The following GPRC6A variants were observed in gnomAD, a reference collection of about 807,000 sequenced individuals.
GPRC6A encodes the protein G protein-coupled receptor family C group 6 member A.
Under a neutral mutation model 47.0 loss-of-function variants are expected in GPRC6A, and 54 were observed. The ratio of observed to expected loss-of-function variants is 1.15; its 90% CI spans 0.92 to 1.44. The LOEUF (loss-of-function observed/expected upper bound fraction) is 1.44. Ranked by LOEUF, GPRC6A falls within the 40% of genes most tolerant of loss-of-function variation. The pLI is 0.00. For missense variants in GPRC6A, 1,112 were observed against 1,105.5 expected (o/e 1.01, Z -0.08); for synonymous variants, 347 against 377.1 (o/e 0.92, Z 0.93).
chr6:116,820,614 A>T (rs1773433415), intron 1 of GPRC6A, among the ~76,000 whole-genome samples: 1 of 149,934 alleles, frequency 6.7e-6, no homozygotes, highest in South Asian at 2.1e-4. Context: ...AAACCACATG[A>T]TTATCTCAAT....
intron 1 of GPRC6A, among the ~76,000 whole-genome samples, chr6:116,814,451 T>C (rs1386782279): frequency 6.6e-6 from 1 of 152,120 alleles, no homozygotes; most frequent in Non-Finnish European, 1.5e-5. Flanking sequence ...ATGTCCTTTG[T>C]AGGGACATGG....
chr6:116,809,309 C>T lies in GPRC6A; in HGVS notation c.498+5G>A, dbSNP rs374353273. On this transcript the variant is annotated splice_donor_5th_base_variant and intron_variant, in intron 2 of 5. Transcript: ENST00000310357. ...AGCAATGTTTGGAGGTAGCACAAAA[C>T]CTACCTGTGGCATGAGCTGTAAATT... The T allele has an allele frequency of 6.8e-6, 11 of 1,607,822 alleles. No individual in the cohort carries two copies. The highest frequency in any genetic ancestry group is 6.8e-6 in the Non-Finnish European group (8 of 1,175,382).
chr6:116,814,794 TA>T (rs1212965670), intron 1 of GPRC6A, among the ~76,000 whole-genome samples: 3 of 151,374 alleles, frequency 2.0e-5, no homozygotes, highest in African/African-American at 7.3e-5. Flanking sequence ...GCTGTATAAA[TA>T]AAAAAAGCAT....
intron 1 of GPRC6A, among the ~76,000 whole-genome samples, chr6:116,818,558 A>T (rs1562487056): frequency 7.5e-6 from 1 of 132,844 alleles, no homozygotes; most frequent in Non-Finnish European, 1.6e-5. Flanking sequence ...AAAAAAAAAA[A>T]AAAAAAAAAA....
intron 3 of GPRC6A, among the ~76,000 whole-genome samples, chr6:116,805,821 G>C (rs1472490483): frequency 6.6e-6 from 1 of 151,924 alleles, no homozygotes; most frequent in Non-Finnish European, 1.5e-5. Context: ...TACACATAAA[G>C]ACCATTAGAG....
chr6:116,802,757 C>G (rs1772716171), intron 3 of GPRC6A, among the ~76,000 whole-genome samples: 1 of 152,042 alleles, frequency 6.6e-6, no homozygotes, highest in Non-Finnish European at 1.5e-5. Flanking sequence ...TGTTAAGGTT[C>G]CCTCCATCTC....
At chr6:116,813,084 A>AACC (rs1773081356) in intron 1 of GPRC6A, among the ~76,000 whole-genome samples, 1 of 152,184 alleles carries the variant, frequency 6.6e-6, no homozygotes, top group African/African-American at 2.4e-5. Flanking sequence ...GAGAACTACA[A>AACC]ACCACTGCTC....
In GPRC6A at chr6:116,809,335, C is replaced by T; in HGVS notation, c.477G>A (p.Leu159=). The T allele has an allele frequency of 6.2e-7, 1 of 1,612,926 alleles. No individual in the cohort carries two copies. Among genetic ancestry groups the T allele is most frequent in the Non-Finnish European group, 8.5e-7 (1 of 1,179,214 alleles). ...CTACCTGTGGCATGAGCTGTAAATT[C>T]AACATCCTGGAGACAGCCATAGTTA... The part of the protein sequence containing the change: ...SEITMAVSRM[L]NLQLMPQVGY... The change falls in exon 2 of 6, where the codon TTG becomes TTA. Residue 159 remains leucine, a synonymous_variant. Coordinates refer to ENST00000310357, the MANE Select transcript of GPRC6A (RefSeq NM_148963.4).
At chr6:116,827,133 G>A (rs1773704049) in intron 1 of GPRC6A, among the ~76,000 whole-genome samples, 1 of 151,840 alleles carries the variant, frequency 6.6e-6, no homozygotes, top group Admixed American at 6.6e-5. Context: ...AAGTTCAATC[G>A]TTTGACAGCA....
intron 1 of GPRC6A, among the ~76,000 whole-genome samples, chr6:116,810,866 G>A (rs1230024027): frequency 6.6e-6 from 1 of 152,078 alleles, no homozygotes; most frequent in Non-Finnish European, 1.5e-5. Flanking sequence ...AGGACTTAGA[G>A]GGTCATCCTG....
intron 1 of GPRC6A, among the ~76,000 whole-genome samples, chr6:116,821,047 C>A (rs1277607349): frequency 1.3e-5 from 2 of 149,460 alleles, no homozygotes; most frequent in Non-Finnish European, 3.0e-5. Context: ...AAATCACAAG[C>A]ATTCTTATAC....
At chr6:116,813,464 A>G (rs910944869) in intron 1 of GPRC6A, among the ~76,000 whole-genome samples, 7 of 152,154 alleles carry the variant, frequency 4.6e-5, no homozygotes, top group African/African-American at 9.7e-5. Context: ...CACATCTACA[A>G]TCATCTGATC....
chr6:116,805,267 G>T (rs1349968628), intron 3 of GPRC6A, among the ~76,000 whole-genome samples: 1 of 151,630 alleles, frequency 6.6e-6, no homozygotes, highest in East Asian at 1.9e-4. Flanking sequence ...GTTTAAAAGT[G>T]AGCAATTTAA....
Position 116,800,759 on chromosome 6 carries a change from C to G in GPRC6A, c.1373G>C (p.Gly458Ala), listed in dbSNP as rs1772648045. The G allele has an allele frequency of 6.2e-7, 1 of 1,610,276 alleles. No individual in the cohort carries two copies. Among genetic ancestry groups the G allele is most frequent in the Admixed American group, 1.7e-5 (1 of 59,920 alleles). Residue 458 changes from glycine to alanine, a missense_variant, in exon 4 of 6, where the codon GGA becomes GCA. Transcript: ENST00000310357. ...AGCATCAAAATGAAATGAATTCCATCCATCAGTGAATGTCACATTTTTTAG... is the reference window on the plus strand; with the variant it reads ...AGCATCAAAATGAAATGAATTCCATGCATCAGTGAATGTCACATTTTTTAG... ...GVLKNVTFTD[G>A]WNSFHFDAHG...
chr6:116,823,233 T>C (rs887559310), intron 1 of GPRC6A, among the ~76,000 whole-genome samples: 1 of 152,146 alleles, frequency 6.6e-6, no homozygotes, highest in African/African-American at 2.4e-5. Flanking sequence ...GCTAGGCTAT[T>C]AAAAGCAGCC....
rs747938787 is a variant in GPRC6A, at chr6:116,792,272, C to T, written c.2651G>A (p.Ser884Asn). ...MSGNVTMTNP[S>N]SSGKSATWQK... ...CCAGGTTGCAGACTTGCCACTAGAG[C>T]TGGGATTGGTCATTGTGACATTGCC... is the stretch of plus-strand genomic sequence containing the variant. Residue 884 changes from serine (S) to asparagine (N), a missense_variant, in exon 6 of 6, where the codon AGC (serine) becomes AAC (asparagine). Ser to Asn is a conservative substitution (Grantham distance 46, BLOSUM62 1). Transcript: ENST00000310357. 1 of 1,613,992 alleles carries T rather than the reference C, an allele frequency of 6.2e-7. No homozygotes were observed.
Position 116,828,854 on chromosome 6 carries a change from A to T in GPRC6A, c.160T>A (p.Ser54Thr), listed in dbSNP as rs752286538. Residue 54 changes from serine to threonine, a missense_variant, in exon 1 of 6, where the codon TCT (serine) becomes ACT (threonine). Transcript: ENST00000310357. ...IHEKMLSSEDSPRRPQIQECV... is the reference protein window; with the variant it reads ...IHEKMLSSEDTPRRPQIQECV... Reference sequence around the variant, plus strand: ...TCCTGGATTTGTGGTCGTCTGGGAGAGTCTTCTGAGGACAACATTTTTTCA... The same window carrying T: ...TCCTGGATTTGTGGTCGTCTGGGAGTGTCTTCTGAGGACAACATTTTTTCA... 6.2e-7 allele frequency: 1 copy of T among 1,612,952 alleles called. No homozygotes were observed. Among genetic ancestry groups the T allele is most frequent in the Non-Finnish European group, 8.5e-7 (1 of 1,179,332 alleles).
chr6:116,808,848 T>A (rs1772934968), intron 2 of GPRC6A, among the ~76,000 whole-genome samples: 1 of 152,024 alleles, frequency 6.6e-6, no homozygotes, highest in South Asian at 2.1e-4. Context: ...TTTTCAGAGA[T>A]CTTTTTGCTT....
chr6:116,806,617 G>T lies in GPRC6A; in HGVS notation c.1088C>A (p.Ala363Asp), dbSNP rs773280559. The T allele has an allele frequency of 1.2e-6, 2 of 1,613,206 alleles. No homozygotes were observed. The highest frequency in any genetic ancestry group is 1.7e-6 in the Non-Finnish European group (2 of 1,179,436). ...ATCAGTGTCCTTGACATATGCGCAG[G>T]CAGATAAATGCATGGCATATTCATG... ...LLHEYAMHLS[A>D]CAYVKDTDLS... The change falls in exon 3 of 6, where the codon GCC becomes GAC. Residue 363 changes from alanine (A) to aspartate (D), a missense_variant. Coordinates refer to ENST00000310357, the MANE Select transcript of GPRC6A (RefSeq NM_148963.4).
Sources: gnomAD v4.1 joint callset for allele counts (sites outside exome capture counted in the v4.1 genomes callset) on GRCh38, gnomAD v4.1.1 for gene constraint, MANE v1.5 for transcripts, NCBI Gene and HGNC (gene_info 2026-07-23, HGNC 2026-07-21) for gene names.